BEND5: variants seen among roughly 807,000 people sequenced by gnomAD.
BEND5 encodes the protein BEN domain containing 5.
In BEND5, 22 loss-of-function variants were observed where a neutral mutation model predicts 43.9. The observed-to-expected ratio is 0.50, with a 90% CI of 0.36 to 0.72. The LOEUF (loss-of-function observed/expected upper bound fraction) is 0.72. Among genes scored for constraint, BEND5 ranks in the 30% least tolerant of loss-of-function variants. BEND5 has a pLI of 0.00. For missense variants in BEND5, 428 were observed against 550.6 expected (o/e 0.78, Z 2.23); for synonymous variants, 228 against 225.9 (o/e 1.01, Z -0.08).
chr1:48,753,740 A>G (rs1400228033), intron 3 of BEND5, among the ~76,000 whole-genome samples: 2 of 152,242 alleles, frequency 1.3e-5, no homozygotes, highest in East Asian at 1.9e-4. Flanking sequence ...CTGGCTTGCA[A>G]TAAGACTATC....
intron 1 of BEND5, among the ~76,000 whole-genome samples, chr1:48,774,996 T>C (rs2148705405): frequency 6.6e-6 from 1 of 152,346 alleles, no homozygotes; most frequent in Non-Finnish European, 1.5e-5. Flanking sequence ...AAAGGGAAGC[T>C]AAGGTTACAA....
chr1:48,751,731 G>T (rs1651767681), intron 3 of BEND5, among the ~76,000 whole-genome samples: 1 of 152,194 alleles, frequency 6.6e-6, no homozygotes, highest in African/African-American at 2.4e-5. Flanking sequence ...CTGACAATGG[G>T]GAAAAGCCTA....
chr1:48,735,153 C>T (rs919838868), intron 5 of BEND5, among the ~76,000 whole-genome samples: 18 of 152,110 alleles, frequency 1.2e-4, no homozygotes, highest in African/African-American at 4.3e-4. Flanking sequence ...AACAAAAACC[C>T]CTAAATCCTG....
chr1:48,729,208 T>C (rs1335860985), intron 5 of BEND5, among the ~76,000 whole-genome samples: 1 of 152,236 alleles, frequency 6.6e-6, no homozygotes, highest in African/African-American at 2.4e-5. Context: ...GAGTATTTTA[T>C]GTATTTACAA....
Position 48,750,940 on chromosome 1 carries a change from T to C in BEND5, c.745+7960A>G, listed in dbSNP as rs189877189. 1.9e-3 allele frequency among the ~76,000 whole-genome samples: 295 copies of C among 152,258 alleles called. 1 individual carries two copies. The highest frequency in any genetic ancestry group is 6.4e-3 in the African/African-American group (265 of 41,546). The stretch of plus-strand genomic sequence containing the variant: ...CCCCCTGGAGCAGCAAGGGAGGGTA[T>C]GGCCAGCCTCTGGGACCTGCTGAAT... On this transcript the variant is annotated intron_variant, in intron 3 of 5. Coordinates refer to ENST00000371833, the MANE Select transcript of BEND5 (RefSeq NM_024603.4).
intron 3 of BEND5, among the ~76,000 whole-genome samples, chr1:48,746,051 C>G (rs150653987): frequency 2.2e-3 from 335 of 152,286 alleles, no homozygotes; most frequent in Middle Eastern, 6.8e-3. Flanking sequence ...GATTCACATT[C>G]TATCCTCAAG....
At chr1:48,738,652 G>A (rs559690432) in intron 4 of BEND5, among the ~76,000 whole-genome samples, 2 of 152,280 alleles carry the variant, frequency 1.3e-5, no homozygotes, top group African/African-American at 2.4e-5. Flanking sequence ...GAAAATCATA[G>A]AGATGGATGC....
intron 3 of BEND5, among the ~76,000 whole-genome samples, chr1:48,750,067 T>A (rs1651433085): frequency 6.6e-6 from 1 of 152,136 alleles, no homozygotes; most frequent in Non-Finnish European, 1.5e-5. Flanking sequence ...GCCCAACAAA[T>A]CAATCCATGA....
intron 3 of BEND5, among the ~76,000 whole-genome samples, chr1:48,748,225 C>A (rs1651071730): frequency 2.6e-5 from 4 of 152,172 alleles, no homozygotes; most frequent in Admixed American, 2.6e-4. Context: ...GTAGGAGGAT[C>A]CCCCTCTGTG....
Position 48,736,605 on chromosome 1 carries a change from T to A in BEND5, c.895-153A>T, listed in dbSNP as rs188490440. ...TCTTTAAGGGTAATCGTAATAGCTA[T>A]CATCTACTGAATACGTGTAGTGTGC... is the stretch of plus-strand genomic sequence containing the variant. On this transcript the variant is annotated intron_variant, in intron 4 of 5. Coordinates refer to ENST00000371833, the MANE Select transcript of BEND5 (RefSeq NM_024603.4). The surrounding 1 kb of genome is among the most constrained non-coding windows in gnomAD (Gnocchi z 4.0). 6.6e-6 allele frequency among the ~76,000 whole-genome samples: 1 copy of A among 152,320 alleles called. No individual in the cohort carries two copies. Among genetic ancestry groups the A allele is most frequent in the Admixed American group, 6.5e-5 (1 of 15,300 alleles).
chr1:48,727,860 C>T lies in BEND5; in HGVS notation c.*26G>A, dbSNP rs745528958. 20 of 1,588,382 alleles carry T rather than the reference C, an allele frequency of 1.3e-5. No homozygotes were observed. The highest frequency in any genetic ancestry group is 4.5e-5 in the East Asian group (2 of 44,554). ...AATCACATGCCACACAAGGAAAACA[C>T]GAAAGCTTTATGAAAAATCCAAAGT... On this transcript the variant is annotated 3_prime_UTR_variant, in exon 6 of 6. Coordinates refer to ENST00000371833, the MANE Select transcript of BEND5 (RefSeq NM_024603.4).
intron 3 of BEND5, among the ~76,000 whole-genome samples, chr1:48,749,945 G>T (rs1651412168): frequency 6.6e-6 from 1 of 152,210 alleles, no homozygotes; most frequent in Non-Finnish European, 1.5e-5. Flanking sequence ...GAATAAGTGG[G>T]GTGGGCAGCA....
In BEND5 at chr1:48,742,728, C is replaced by A; in HGVS notation, c.789G>T (p.Glu263Asp). 2.5e-6 allele frequency: 4 copies of A among 1,608,790 alleles called. No individual in the cohort carries two copies. The highest frequency in any genetic ancestry group is 2.5e-6 in the Non-Finnish European group (3 of 1,177,286). The change falls in exon 4 of 6, where the codon GAG becomes GAT. Residue 263 changes from glutamate (E) to aspartate (D), a missense_variant. Coordinates refer to ENST00000371833, the MANE Select transcript of BEND5 (RefSeq NM_024603.4). ...AAGTGCTCCGTAACTCCGGCTCGGG[C>A]TCGAGACATTCTGACTTTACTTTTT... The part of the protein sequence containing the change: ...DLEKVKSECL[E>D]PEPELRSTFS...
chr1:48,732,148 A>C (rs1034966828), intron 5 of BEND5, among the ~76,000 whole-genome samples: 1 of 152,294 alleles, frequency 6.6e-6, no homozygotes, highest in African/African-American at 2.4e-5. Context: ...GTCAAGGATG[A>C]GACCTGGGTG....
intron 2 of BEND5, among the ~76,000 whole-genome samples, chr1:48,760,104 G>C (rs757190343): frequency 1.3e-5 from 2 of 152,170 alleles, no homozygotes; most frequent in Non-Finnish European, 2.9e-5. Flanking sequence ...CCAGTACAAG[G>C]CTCCTTCCAG....
rs759854579 is a variant in BEND5, at chr1:48,727,915, G to T, written c.1237C>A (p.Arg413=). ...TGCAAATTGTATTTTGCTTCCCTTC[G>T]TTCTTCATTTTTACAGGATTTATTG... ...DINKSCKNEE[R]REAKYNLQ Residue 413 remains arginine, a synonymous_variant, in exon 6 of 6, where the codon CGA becomes AGA. Coordinates refer to ENST00000371833, the MANE Select transcript of BEND5 (RefSeq NM_024603.4). 1 of 1,605,892 alleles carries T rather than the reference G, an allele frequency of 6.2e-7. No individual in the cohort carries two copies. The highest frequency in any genetic ancestry group is 8.5e-7 in the Non-Finnish European group (1 of 1,174,472).
chr1:48,729,374 C>G (rs571511277), intron 5 of BEND5, among the ~76,000 whole-genome samples: 1 of 152,094 alleles, frequency 6.6e-6, no homozygotes, highest in Non-Finnish European at 1.5e-5. Flanking sequence ...GAATGTACCA[C>G]GGGAATGTGT....
chr1:48,742,668 G>T lies in BEND5; in HGVS notation c.849C>A (p.Pro283=), dbSNP rs146041042. ...SEEANTSSYY[P]APAPVMDKYI... ...ACTTGTCCATGACAGGCGCAGGAGC[G>T]GGGTAATAGGACGACGTATTTGCTT... The change falls in exon 4 of 6, where the codon CCC becomes CCA. Residue 283 remains proline, a synonymous_variant. Coordinates refer to ENST00000371833, the MANE Select transcript of BEND5 (RefSeq NM_024603.4). The T allele has an allele frequency of 3.7e-6, 6 of 1,609,206 alleles. No homozygotes were observed. The African/African-American group carries it at 5.3e-5, about 14-fold the overall frequency.
In BEND5 at chr1:48,759,023, G is replaced by A. The variant is rs1644108522; in HGVS notation, c.622C>T (p.Arg208Trp). The A allele has an allele frequency of 2.5e-6, 4 of 1,614,016 alleles. No individual in the cohort carries two copies. Among genetic ancestry groups the A allele is most frequent in the South Asian group, 1.1e-5 (1 of 91,028 alleles). ...TTGGCCTGTTGTACCAGCTGCCTCC[G>A]AGTCCGCTCCAGCTCCTGCTGGAGG... Reference protein sequence around the residue: ...RHLQQELERTRRQLVQQAKKL... With the variant: ...RHLQQELERTWRQLVQQAKKL... The change falls in exon 3 of 6, where the codon CGG becomes TGG. Residue 208 changes from arginine (R) to tryptophan (W), a missense_variant. Coordinates refer to ENST00000371833, the MANE Select transcript of BEND5 (RefSeq NM_024603.4).
Sources: gnomAD v4.1 joint callset for allele counts (sites outside exome capture counted in the v4.1 genomes callset) on GRCh38, gnomAD v4.1.1 for gene constraint, Gnocchi (gnomAD v3.1) non-coding constraint, MANE v1.5 for transcripts, NCBI Gene and HGNC (gene_info 2026-07-23, HGNC 2026-07-21) for gene names.